VWA5A: variants seen among roughly 807,000 people sequenced by gnomAD.
VWA5A encodes the protein von Willebrand factor A domain-containing protein 5A.
Under a neutral mutation model 84.6 loss-of-function variants are expected in VWA5A, and 77 were observed. The ratio of observed to expected loss-of-function variants is 0.91; its 90% CI spans 0.76 to 1.10. The LOEUF is 1.10. VWA5A is among the 50% of genes least tolerant of loss of function. The pLI, the probability that VWA5A is intolerant of heterozygous loss-of-function variation, is 0.00. For missense variants in VWA5A, 973 were observed against 963.0 expected, an observed-to-expected ratio of 1.01 and a Z score of -0.14; for synonymous variants, 334 against 350.1, an observed-to-expected ratio of 0.95 and a Z score of 0.51.
chr11:124,133,337 G>T (rs1247039222), intron 11 of VWA5A, among the ~76,000 whole-genome samples: 2 of 152,102 alleles, frequency 1.3e-5, no homozygotes, highest in Non-Finnish European at 1.5e-5. Context: ...TTGATATTTT[G>T]TTCCTCCCGC....
At chr11:124,129,585 T>C (rs1408285981) in intron 11 of VWA5A, among the ~76,000 whole-genome samples, 1 of 152,204 alleles carries the variant, frequency 6.6e-6, no homozygotes, top group African/African-American at 2.4e-5. Flanking sequence ...TCTGGTAGAA[T>C]TCAGCTGTGA....
intron 10 of VWA5A, 94 bp from the exon 11 acceptor site, chr11:124,124,143 C>G: frequency 8.3e-7 from 1 of 1,210,138 alleles, no homozygotes; most frequent in Non-Finnish European, 1.2e-6. Context: ...ACCAGAGCCT[C>G]TGCAATGAAA....
chr11:124,125,358 C>T (rs1459565043), intron 11 of VWA5A, among the ~76,000 whole-genome samples: 1 of 151,950 alleles, frequency 6.6e-6, no homozygotes, highest in African/African-American at 2.4e-5. Context: ...TCTCGGCTCC[C>T]TGCCATCTCC....
intron 17 of VWA5A, among the ~76,000 whole-genome samples, chr11:124,142,901 G>A (rs895276129): frequency 6.6e-6 from 1 of 152,196 alleles, no homozygotes; most frequent in Non-Finnish European, 1.5e-5. Flanking sequence ...TCTGTGCCAA[G>A]CACTGTGCTA....
In VWA5A at chr11:124,146,657, C is replaced by T. The variant is rs1220915898; in HGVS notation, c.*712C>T. The T allele has an allele frequency of 6.6e-6, 1 of 152,120 alleles. No homozygotes were observed. Among genetic ancestry groups the T allele is most frequent in the African/African-American group, 2.4e-5 (1 of 41,378 alleles). 9.4% of individuals were successfully genotyped at this position (152,120 alleles called of 1,614,324 possible). A position where few individuals can be genotyped will look rare whatever the true frequency, so the allele number is the denominator to read the frequency against. Reference sequence around the variant, plus strand: ...GTCTATAATGCAATCCTTAGTCCTACCCTGAACCTATGTGTCCTCTAAGTC... The same window carrying T: ...GTCTATAATGCAATCCTTAGTCCTATCCTGAACCTATGTGTCCTCTAAGTC... On this transcript the variant is annotated 3_prime_UTR_variant, in exon 19 of 19. Transcript: ENST00000456829.
chr11:124,123,568 C>G, intron 9 of VWA5A, 92 bp from the exon 10 acceptor site: 3 of 1,609,648 alleles, frequency 1.9e-6, no homozygotes, highest in Non-Finnish European at 2.5e-6. Context: ...TCGGATAAGA[C>G]TCTCTTTTAA....
chr11:124,138,025 AT>A (rs1054501317), intron 15 of VWA5A, among the ~76,000 whole-genome samples: 1 of 152,142 alleles, frequency 6.6e-6, no homozygotes, highest in Non-Finnish European at 1.5e-5. Flanking sequence ...TGCCCAGCTA[AT>A]TTTTTTGTAT....
At chr11:124,131,046 A>G (rs1179863004) in intron 11 of VWA5A, among the ~76,000 whole-genome samples, 1 of 151,740 alleles carries the variant, frequency 6.6e-6, no homozygotes, top group East Asian at 1.9e-4. Flanking sequence ...CAGTAAACAT[A>G]CTCATTTCTT....
rs1260794343 is a variant in VWA5A, at chr11:124,136,216, A to C, written c.1447A>C (p.Met483Leu). 8.1e-6 allele frequency: 13 copies of C among 1,614,090 alleles called. No individual in the cohort carries two copies. Among genetic ancestry groups the C allele is most frequent in the Admixed American group, 1.7e-5 (1 of 60,010 alleles). The change falls in exon 13 of 19, where the codon ATG (methionine) becomes CTG (leucine). Residue 483 changes from methionine (M) to leucine (L), a missense_variant. Met to Leu is a conservative substitution (Grantham distance 15). Transcript: ENST00000456829. ...WHLPPGLSAK[M>L]LSPEQTVIFR... ...TTTGCCTCCTGGTCTGTCTGCTAAA[A>C]TGCTTTCCCCAGAACAGACTGTCAT... is the stretch of plus-strand genomic sequence containing the variant.
At chr11:124,116,008 A>G (rs1459068150) in intron 1 of VWA5A, 2 of 151,780 alleles carry the variant, frequency 1.3e-5, no homozygotes, top group African/African-American at 4.8e-5. Flanking sequence ...TCTTACCCCA[A>G]ATCTCCTCCT....
chr11:124,118,534 G>T lies in VWA5A; in HGVS notation c.471G>T (p.Gly157=), dbSNP rs1864876588. The change falls in exon 6 of 19, where the codon GGG becomes GGT. Residue 157 remains glycine (G), a splice_region_variant and synonymous_variant. Transcript: ENST00000456829. ...CAGAACTAAGGTCATCTTTTATAGG[G>T]TCGTCTAAGGACAGTTGCCTTAATG... ...AVLNPRYQFS[G]SSKDSCLNVK... is the part of the protein sequence containing the mutation. 3.7e-6 allele frequency: 6 copies of T among 1,613,920 alleles called. No individual in the cohort carries two copies. In the East Asian group the frequency reaches 1.1e-4, roughly 30 times the overall value.
At chr11:124,145,118 A>G in intron 17 of VWA5A, 119 bp from the exon 18 acceptor site, 1 of 1,294,530 alleles carries the variant, frequency 7.7e-7, no homozygotes, top group Non-Finnish European at 1.0e-6. Flanking sequence ...AGGTAAAGAG[A>G]GACCAGGTAA....
chr11:124,145,257 G>A lies in VWA5A; in HGVS notation c.2175G>A (p.Trp725Ter). The A allele has an allele frequency of 6.2e-7, 1 of 1,613,520 alleles. No individual in the cohort carries two copies. Among genetic ancestry groups the A allele is most frequent in the Non-Finnish European group, 8.5e-7 (1 of 1,179,706 alleles). Reference sequence around the variant, plus strand: ...TGCAGCTTGTGGATTCCTCAGGCTGGGCCACCATCCTGGCCGTGATCTGGC... The same window carrying A: ...TGCAGCTTGTGGATTCCTCAGGCTGAGCCACCATCCTGGCCGTGATCTGGC... ...QPAELVDSSG[W>*]ATILAVIWLH... The change falls in exon 18 of 19, where the codon TGG becomes TGA. Residue 725 changes from tryptophan (W) to a stop codon, truncating the protein, a stop_gained. Coordinates refer to ENST00000456829, the MANE Select transcript of VWA5A (RefSeq NM_001130142.2). LOFTEE classifies it high-confidence loss of function.
In VWA5A at chr11:124,123,688, A is replaced by G. The variant is rs1864970092; in HGVS notation, c.1048A>G (p.Met350Val). Reference sequence around the variant, plus strand: ...GAGTGTGAAGTACACTCAGCAAACAATGGAGGAGGCTCTGGGGAGAGTGAA... The same window carrying G: ...GAGTGTGAAGTACACTCAGCAAACAGTGGAGGAGGCTCTGGGGAGAGTGAA... ...PESVKYTQQT[M>V]EEALGRVKLM... The change falls in exon 10 of 19, where the codon ATG (methionine) becomes GTG (valine). Residue 350 changes from methionine (M) to valine (V), a missense_variant. By Grantham distance (21) the Met-to-Val change is conservative. Transcript: ENST00000456829. The G allele has an allele frequency of 6.2e-7, 1 of 1,613,936 alleles. No homozygotes were observed. The highest frequency in any genetic ancestry group is 1.3e-5 in the African/African-American group (1 of 74,868).
In VWA5A at chr11:124,118,973, A is replaced by G. The variant is rs751051832; in HGVS notation, c.646-2A>G. On this transcript the variant is annotated splice_acceptor_variant, in intron 6 of 18. Transcript: ENST00000456829. LOFTEE classifies it high-confidence loss of function. ...TGGCTCCTTTACCTGTCCTCCACTC[A>G]GGTTTCCCTGGCTGCTGGACACAAG... 6.2e-7 allele frequency: 1 copy of G among 1,613,962 alleles called. No individual in the cohort carries two copies. Among genetic ancestry groups the G allele is most frequent in the Non-Finnish European group, 8.5e-7 (1 of 1,179,916 alleles).
chr11:124,118,492 A>T, intron 5 of VWA5A, 41 bp from the exon 6 acceptor site: 1 of 1,611,422 alleles, frequency 6.2e-7, no homozygotes, highest in African/African-American at 1.3e-5. Context: ...TGTCATAAAA[A>T]GTGTTGGCAA....
intron 11 of VWA5A, among the ~76,000 whole-genome samples, chr11:124,131,183 A>G (rs1016152780): frequency 6.6e-6 from 1 of 152,068 alleles, no homozygotes; most frequent in Middle Eastern, 3.2e-3. Flanking sequence ...ATACATACTT[A>G]TGATGAAATT....
At chr11:124,136,540 T>G in intron 13 of VWA5A, 34 bp from the exon 14 acceptor site, 1 of 1,597,448 alleles carries the variant, frequency 6.3e-7, no homozygotes, top group Non-Finnish European at 8.6e-7. Context: ...GAACATTACA[T>G]GTTCCGTCAT....
In VWA5A at chr11:124,123,361, T is replaced by C. The variant is rs371419568; in HGVS notation, c.931-5T>C. Reference sequence around the variant, plus strand: ...CTCTGTCTCTTCATACTCTCTTACCTTCAGGAAACACTGATTTTGCTGCTG... The same window carrying C: ...CTCTGTCTCTTCATACTCTCTTACCCTCAGGAAACACTGATTTTGCTGCTG... On this transcript the variant is annotated splice_polypyrimidine_tract_variant and splice_region_variant and intron_variant, in intron 8 of 18. Transcript: ENST00000456829. The C allele has an allele frequency of 1.6e-5, 25 of 1,612,908 alleles. No individual in the cohort carries two copies. Among genetic ancestry groups the C allele is most frequent in the Admixed American group, 3.3e-5 (2 of 59,712 alleles).
Sources: allele counts gnomAD v4.1 joint callset (sites outside exome capture counted in the v4.1 genomes callset), GRCh38; gene constraint gnomAD v4.1.1; transcripts MANE v1.5; gene names NCBI Gene and HGNC (gene_info 2026-07-23, HGNC 2026-07-21).